ASPRV1: variants seen among roughly 807,000 people sequenced by gnomAD.
ASPRV1 encodes retroviral-like aspartic protease 1.
A neutral mutation model predicts 11.0 loss-of-function variants in ASPRV1; 7 were observed. The ratio of observed to expected loss-of-function variants is 0.64; its 90% confidence interval spans 0.36 to 1.20. The LOEUF (loss-of-function observed/expected upper bound fraction) is 1.20, where lower values mean the gene tolerates loss of function less well. Ranked by LOEUF, ASPRV1 falls within the 50% of genes most tolerant of loss-of-function variation. The pLI, the probability that ASPRV1 is intolerant of heterozygous loss-of-function variation, is 0.02. For synonymous variants in ASPRV1, 136 were observed against 138.4 expected (o/e 0.98, Z 0.12); for missense variants, 299 against 320.0 (o/e 0.93, Z 0.50).
chr2:69,932,997 G>A, the ASPRV1 span, among the ~76,000 whole-genome samples: 7 of 151,914 alleles, frequency 4.6e-5, no homozygotes, highest in Non-Finnish European at 8.8e-5. Context: ...TCAGGAGTTC[G>A]AGACCAGCCT....
chr2:70,081,335 A>T, the ASPRV1 span: 4 of 152,072 alleles, frequency 2.6e-5, no homozygotes, highest in African/African-American at 9.7e-5. Context: ...TCTACTAAAA[A>T]TACTGAAAAA....
the ASPRV1 span, among the ~76,000 whole-genome samples, chr2:70,072,597 C>CT: frequency 6.6e-6 from 1 of 151,922 alleles, no homozygotes; most frequent in East Asian, 1.9e-4. Flanking sequence ...TGGTGAGTGC[C>CT]TGTACTCCCA....
downstream of ASPRV1, among the ~76,000 whole-genome samples, chr2:69,959,682 T>C (rs977750515): frequency 6.6e-6 from 1 of 152,180 alleles, no homozygotes; most frequent in African/African-American, 2.4e-5. Context: ...CTCCTGGCCC[T>C]GCTTTCTGCC....
the ASPRV1 span, among the ~76,000 whole-genome samples, chr2:70,033,590 G>T: frequency 6.6e-6 from 1 of 152,078 alleles, no homozygotes; most frequent in East Asian, 1.9e-4. Flanking sequence ...CCCTTGATCA[G>T]CACCGAGGAA....
At chr2:70,060,672 C>G in the ASPRV1 span, among the ~76,000 whole-genome samples, 2 of 151,722 alleles carry the variant, frequency 1.3e-5, no homozygotes, top group African/African-American at 4.8e-5. Flanking sequence ...CAAAATTAAC[C>G]AGGTGTGGTG....
chr2:69,966,232 CT>C (rs1459059357), upstream of ASPRV1, among the ~76,000 whole-genome samples: 1 of 151,780 alleles, frequency 6.6e-6, no homozygotes, highest in East Asian at 1.9e-4. Flanking sequence ...CGGTTCTCCC[CT>C]GTTTTTATCT....
chr2:70,040,342 C>G, the ASPRV1 span, among the ~76,000 whole-genome samples: 33 of 152,182 alleles, frequency 2.2e-4, no homozygotes, highest in African/African-American at 7.0e-4. Context: ...CCACCGCACT[C>G]TAGCCTGAGT....
At chr2:69,999,526 C>T in the ASPRV1 span, among the ~76,000 whole-genome samples, 1 of 151,718 alleles carries the variant, frequency 6.6e-6, no homozygotes, top group Non-Finnish European at 1.5e-5. Context: ...GTGGTGGGGG[C>T]ATGCCTGTAA....
the ASPRV1 span, among the ~76,000 whole-genome samples, chr2:70,009,831 G>A: frequency 3.5e-4 from 53 of 152,276 alleles, no homozygotes; most frequent in East Asian, 7.2e-3. Context: ...AGACAGTTGC[G>A]TTCAACAGCA....
rs753904171 is a variant in ASPRV1 at position 69,960,849 on chromosome 2, C to G, written c.588G>C (p.Glu196Asp). Residue 196 changes from glutamate to aspartate, a missense_variant, in exon 1 of 1, where the codon GAG (glutamate) becomes GAC (aspartate). By Grantham distance (45) the Glu-to-Asp change is conservative. Coordinates refer to ENST00000320256, the MANE Select transcript of ASPRV1 (RefSeq NM_152792.4). ...AQFLVANASAEEAIIGTDVLQ... is the reference protein window; with the variant it reads ...AQFLVANASADEAIIGTDVLQ... ...GCACATCAGTGCCAATGATGGCTTC[C>G]TCGGCACTCGCATTGGCCACTAGGA... 5 of 1,614,018 alleles carry G rather than the reference C, an allele frequency of 3.1e-6. No individual in the cohort carries two copies. Among genetic ancestry groups the G allele is most frequent in the Admixed American group, 1.7e-5 (1 of 60,008 alleles).
the ASPRV1 span, among the ~76,000 whole-genome samples, chr2:69,998,534 C>T: frequency 1.3e-5 from 2 of 151,740 alleles, no homozygotes; most frequent in African/African-American, 4.8e-5. Context: ...GAGGTCAGAT[C>T]GAGACCACGG....
chr2:69,982,240 G>A, the ASPRV1 span, among the ~76,000 whole-genome samples: 1 of 151,420 alleles, frequency 6.6e-6, no homozygotes, highest in Non-Finnish European at 1.5e-5. Context: ...GATCATTTGA[G>A]CCCAGGAGTT....
At chr2:70,009,436 T>A in the ASPRV1 span, among the ~76,000 whole-genome samples, 2 of 152,122 alleles carry the variant, frequency 1.3e-5, no homozygotes, top group Non-Finnish European at 2.9e-5. Context: ...TTCAAGCGAT[T>A]CTCCTGCCTC....
chr2:70,079,221 A>C, the ASPRV1 span, among the ~76,000 whole-genome samples: 1 of 152,192 alleles, frequency 6.6e-6, no homozygotes, highest in African/African-American at 2.4e-5. Context: ...TCAAGCTAAT[A>C]ATGTAAACTC....
chr2:69,983,329 G>C, the ASPRV1 span, among the ~76,000 whole-genome samples: 3 of 152,326 alleles, frequency 2.0e-5, no homozygotes, highest in South Asian at 6.2e-4. Context: ...CAAGAGCAAA[G>C]TAAAAAGAAG....
At chr2:70,058,664 T>C in the ASPRV1 span, among the ~76,000 whole-genome samples, 1 of 151,272 alleles carries the variant, frequency 6.6e-6, no homozygotes, top group Non-Finnish European at 1.5e-5. Context: ...GCGATTCTCC[T>C]GCCTCAGCCT....
the ASPRV1 span, among the ~76,000 whole-genome samples, chr2:69,991,838 G>C: frequency 6.6e-6 from 1 of 152,108 alleles, no homozygotes. Flanking sequence ...GAGCCACTGC[G>C]GGGCTTTATT....
chr2:70,048,410 G>A, the ASPRV1 span, among the ~76,000 whole-genome samples: 5 of 150,210 alleles, frequency 3.3e-5, no homozygotes, highest in South Asian at 1.0e-3. Context: ...GCAAAACTCT[G>A]TCTTAAAAGA....
the ASPRV1 span, chr2:69,938,809 C>A: frequency 6.5e-6 from 1 of 153,776 alleles, no homozygotes; most frequent in Non-Finnish European, 1.4e-5. Flanking sequence ...TCAGGAATAC[C>A]TCTAGAAAAC....
Sources: allele counts gnomAD v4.1 joint callset (sites outside exome capture counted in the v4.1 genomes callset), GRCh38; gene constraint gnomAD v4.1.1; transcripts MANE v1.5; gene names NCBI Gene and HGNC (gene_info 2026-07-23, HGNC 2026-07-21).